LAMA2: variants seen among roughly 807,000 people sequenced by gnomAD.
LAMA2 encodes the protein laminin subunit alpha-2.
In LAMA2, 269 loss-of-function variants were observed where a neutral mutation model predicts 364.8. That is an observed-to-expected ratio of 0.74 (90% CI 0.67 to 0.82). The LOEUF is 0.82. LAMA2 is among the 40% of genes least tolerant of loss of function. The pLI is 0.00. For missense variants in LAMA2, 3,807 were observed against 3,873.2 expected (o/e 0.98, Z 0.45); for synonymous variants, 1,379 against 1,370.6 (o/e 1.01, Z -0.14).
chr6:129,092,884 A>G (rs1277714679), intron 3 of LAMA2, among the ~76,000 whole-genome samples: 1 of 152,206 alleles, frequency 6.6e-6, no homozygotes. Context: ...ACATCATTAC[A>G]GAATCACACT....
intron 11 of LAMA2, among the ~76,000 whole-genome samples, chr6:129,191,377 CT>C (rs1336049652): frequency 6.6e-6 from 1 of 152,170 alleles, no homozygotes; most frequent in Non-Finnish European, 1.5e-5. Context: ...ACGTTATCAA[CT>C]GTATTGCTTT....
At chr6:129,355,850 C>T (rs1015354412) in intron 32 of LAMA2, among the ~76,000 whole-genome samples, 1 of 152,010 alleles carries the variant, frequency 6.6e-6, no homozygotes, top group Admixed American at 6.6e-5. Context: ...ATTTCAAAAA[C>T]AGAAAAGAAA....
chr6:129,290,370 T>C (rs1296583861), intron 19 of LAMA2, among the ~76,000 whole-genome samples: 1 of 152,190 alleles, frequency 6.6e-6, no homozygotes, highest in Non-Finnish European at 1.5e-5. Context: ...ATCCGTAGGC[T>C]CTTTCAGTTT....
At chr6:129,154,785 T>C in intron 8 of LAMA2, 102 bp downstream of exon 8, 2 of 928,708 alleles carry the variant, frequency 2.2e-6, no homozygotes, top group East Asian at 2.6e-5. Context: ...CTGTAAACAG[T>C]TGAACTTCAA....
At chr6:128,909,592 T>C (rs1264867830) in intron 1 of LAMA2, among the ~76,000 whole-genome samples, 5 of 148,694 alleles carry the variant, frequency 3.4e-5, no homozygotes, top group Non-Finnish European at 7.5e-5. Context: ...CTTTATCCAA[T>C]TTGCCAGTCT....
At chr6:128,930,880 G>A (rs1779429584) in intron 1 of LAMA2, among the ~76,000 whole-genome samples, 1 of 151,938 alleles carries the variant, frequency 6.6e-6, no homozygotes, top group Non-Finnish European at 1.5e-5. Flanking sequence ...AAACACCCAC[G>A]GTTTCCCTAC....
In LAMA2 at chr6:128,888,739, C is replaced by T. The variant is rs529044270; in HGVS notation, c.112+5382C>T. Among the ~76,000 whole-genome samples the T allele has an allele frequency of 5.3e-5, 8 of 152,272 alleles. No individual in the cohort carries two copies. In the East Asian group the frequency reaches 9.6e-4, roughly 18 times the overall value. ...AGAAATGGGAAACTGGAACACATAG[C>T]ATTGTTGACCTTAATTTTAAAGATT... On this transcript the variant is annotated intron_variant, in intron 1 of 64. Coordinates refer to ENST00000421865, the MANE Select transcript of LAMA2 (RefSeq NM_000426.4).
chr6:129,345,762 A>G (rs1776512317), intron 30 of LAMA2, among the ~76,000 whole-genome samples: 1 of 152,192 alleles, frequency 6.6e-6, no homozygotes, highest in Non-Finnish European at 1.5e-5. Context: ...TTTAGAAAAA[A>G]AATTTTAGCC....
chr6:129,259,771 T>C (rs1786993038), intron 14 of LAMA2, among the ~76,000 whole-genome samples: 1 of 152,022 alleles, frequency 6.6e-6, no homozygotes, highest in Non-Finnish European at 1.5e-5. Flanking sequence ...CTCCATTGTA[T>C]AGAAGAAAAA....
At chr6:129,290,708 C>G (rs1036377552) in intron 19 of LAMA2, among the ~76,000 whole-genome samples, 1 of 152,064 alleles carries the variant, frequency 6.6e-6, no homozygotes, top group African/African-American at 2.4e-5. Flanking sequence ...ATATAGGGTA[C>G]ATAGTAAACA....
intron 40 of LAMA2, among the ~76,000 whole-genome samples, 151 bp from the exon 41 acceptor site, chr6:129,427,597 TTAAC>T (rs551092443): frequency 1.3e-5 from 2 of 152,324 alleles, no homozygotes; most frequent in South Asian, 4.1e-4. Context: ...TCTCCTAACT[TTAAC>T]TACCGAATAT....
intron 53 of LAMA2, 124 bp from the exon 54 acceptor site, chr6:129,478,569 T>C (rs1455590085): frequency 1.0e-6 from 1 of 981,212 alleles, no homozygotes; most frequent in East Asian, 2.5e-5. Context: ...GGTACACGTG[T>C]GCACAGTTTG....
At chr6:129,227,577 G>A (rs1784387135) in intron 12 of LAMA2, among the ~76,000 whole-genome samples, 1 of 152,318 alleles carries the variant, frequency 6.6e-6, no homozygotes. Flanking sequence ...GTCTGTTGGA[G>A]TTTGCTGGAG....
intron 1 of LAMA2, among the ~76,000 whole-genome samples, chr6:129,012,937 A>G (rs4416691): frequency 0.021 from 3,182 of 152,290 alleles, 113 homozygotes; most frequent in African/African-American, 0.072. Context: ...TCAACGTATC[A>G]TATTACAGTG....
intron 3 of LAMA2, among the ~76,000 whole-genome samples, chr6:129,073,641 G>A (rs1051546204): frequency 1.3e-5 from 2 of 151,824 alleles, no homozygotes; most frequent in Non-Finnish European, 2.9e-5. Flanking sequence ...CCTTTTTTCT[G>A]CTGGATTCAA....
chr6:128,921,998 A>T (rs1262638202), intron 1 of LAMA2, among the ~76,000 whole-genome samples: 2 of 151,674 alleles, frequency 1.3e-5, no homozygotes, highest in African/African-American at 4.9e-5. Flanking sequence ...GAGAATGATG[A>T]TTTCCAGTTT....
Position 129,199,688 on chromosome 6 carries a change from CA to C in LAMA2, c.1782+6843del, listed in dbSNP as rs958069236. Among the ~76,000 whole-genome samples the C allele has an allele frequency of 4.6e-5, 7 of 151,750 alleles. No individual in the cohort carries two copies. The East Asian group carries it at 9.7e-4, about 21-fold the overall frequency. ...GTTTCTTTATATCAACAACACTTTT[CA>C]AAAAAAATTTTTAAGAGGCCATGTA... On this transcript the variant is annotated intron_variant, in intron 12 of 64. Coordinates refer to ENST00000421865, the MANE Select transcript of LAMA2 (RefSeq NM_000426.4).
intron 3 of LAMA2, among the ~76,000 whole-genome samples, chr6:129,067,696 C>G (rs549577965): frequency 6.6e-6 from 1 of 152,286 alleles, no homozygotes; most frequent in South Asian, 2.1e-4. Flanking sequence ...TCATCTCTGG[C>G]CTCATCTGAT....
At chr6:129,113,757 C>T (rs551117901) in intron 4 of LAMA2, among the ~76,000 whole-genome samples, 1 of 152,078 alleles carries the variant, frequency 6.6e-6, no homozygotes, top group Non-Finnish European at 1.5e-5. Context: ...GTGTACCCTT[C>T]TACCTGCACA....
Sources: allele counts gnomAD v4.1 joint callset (sites outside exome capture counted in the v4.1 genomes callset), GRCh38; gene constraint gnomAD v4.1.1; transcripts MANE v1.5; gene names NCBI Gene and HGNC (gene_info 2026-07-23, HGNC 2026-07-21).